BABAM1: variants seen among roughly 807,000 people sequenced by gnomAD.
BABAM1 encodes BRISC and BRCA1-A complex member 1.
BABAM1 carries 14 observed loss-of-function variants against 34.4 expected under a neutral mutation model. The observed-to-expected ratio is 0.41, with a 90% confidence interval of 0.27 to 0.64. BABAM1 has a LOEUF of 0.64. Ranked by LOEUF, BABAM1 falls within the 30% of genes least tolerant of loss-of-function variation. The pLI is 0.34. For missense variants in BABAM1, 393 were observed against 434.0 expected (o/e 0.91, Z 0.84); for synonymous variants, 169 against 165.8 (o/e 1.02, Z -0.15).
chr19:17,270,000 G>A (rs1337423694), intron 2 of BABAM1, among the ~76,000 whole-genome samples: 2 of 148,934 alleles, frequency 1.3e-5, no homozygotes, highest in East Asian at 4.0e-4. Flanking sequence ...GCGCTATCTC[G>A]GCTCACTGCA....
intron 5 of BABAM1, 78 bp from the exon 6 acceptor site, chr19:17,275,723 C>T: frequency 1.9e-6 from 3 of 1,590,324 alleles, no homozygotes; most frequent in South Asian, 2.2e-5. Context: ...CGGGTCTCCT[C>T]TGGTATCGGG....
At chr19:17,270,737 G>A (rs956841128) in intron 2 of BABAM1, among the ~76,000 whole-genome samples, 1 of 151,858 alleles carries the variant, frequency 6.6e-6, no homozygotes, top group Non-Finnish European at 1.5e-5. Flanking sequence ...GCCCAGGCTG[G>A]AGTGGAGTGG....
Position 17,269,081 on chromosome 19 carries a change from C to T in BABAM1, c.275C>T (p.Pro92Leu). Residue 92 changes from proline (P) to leucine (L), a missense_variant, in exon 2 of 9, where the codon CCA (proline) becomes CTA (leucine). Transcript: ENST00000598188. ...ATTCGGACACCAAGGGTCAACTGTC[C>T]AGAGAAAGTGGTAAGTAGAGGGGGT... ...VQIRTPRVNC[P>L]EKVIICLDLS... The T allele has an allele frequency of 2.5e-6, 4 of 1,605,176 alleles. No individual in the cohort carries two copies. The highest frequency in any genetic ancestry group is 3.4e-6 in the Non-Finnish European group (4 of 1,175,796).
At position 17,268,858 on chromosome 19, in the gene BABAM1, G is replaced by A; in HGVS notation, c.52G>A (p.Glu18Lys). 6.2e-7 allele frequency: 1 copy of A among 1,608,908 alleles called. No homozygotes were observed. Among genetic ancestry groups the A allele is most frequent in the Non-Finnish European group, 8.5e-7 (1 of 1,177,920 alleles). The change falls in exon 2 of 9, where the codon GAG (glutamate) becomes AAG (lysine). Residue 18 changes from glutamate to lysine, a missense_variant. Physicochemically the swap from Glu to Lys is moderately conservative, Grantham distance 56 (BLOSUM62 1). Coordinates refer to ENST00000598188, the MANE Select transcript of BABAM1 (RefSeq NM_014173.4). ...SPTEEEEEEE[E>K]HSAEPRPRTR... The stretch of plus-strand genomic sequence containing the variant: ...CACTGAAGAGGAGGAGGAGGAAGAG[G>A]AGCACTCGGCAGAGCCTCGGCCCCG...
intron 3 of BABAM1, among the ~76,000 whole-genome samples, chr19:17,272,445 G>A (rs943786822): frequency 6.6e-6 from 1 of 150,648 alleles, no homozygotes; most frequent in Non-Finnish European, 1.5e-5. Flanking sequence ...TCGCTCTGTC[G>A]CCCAATCTGG....
At chr19:17,272,695 C>A (rs903301346) in intron 3 of BABAM1, among the ~76,000 whole-genome samples, 2 of 151,666 alleles carry the variant, frequency 1.3e-5, no homozygotes, top group Non-Finnish European at 2.9e-5. Flanking sequence ...TGTGAGCCAC[C>A]GCGCCCAGCC....
At chr19:17,273,559 G>GTTTTTTTTT (rs1252906493) in intron 3 of BABAM1, among the ~76,000 whole-genome samples, 52 of 24,562 alleles carry the variant, frequency 2.1e-3, no homozygotes, top group Non-Finnish European at 3.4e-3. Flanking sequence ...TTTTTTGTTT[G>GTTTTTTTTT]TTTTGTTTTT....
chr19:17,268,840 G>C lies in BABAM1; in HGVS notation c.34G>C (p.Glu12Gln), dbSNP rs755774342. Residue 12 changes from glutamate to glutamine, a missense_variant, in exon 2 of 9, where the codon GAG (glutamate) becomes CAG (glutamine). Glu to Gln is a conservative substitution (Grantham distance 29). Transcript: ENST00000598188. ...GGCAGAGCCCAGCAGCCCCACTGAA[G>C]AGGAGGAGGAGGAAGAGGAGCACTC... ...EVAEPSSPTE[E>Q]EEEEEEHSAE... 1.2e-6 allele frequency: 2 copies of C among 1,607,800 alleles called. No homozygotes were observed. The highest frequency in any genetic ancestry group is 1.7e-6 in the Non-Finnish European group (2 of 1,176,996).
chr19:17,268,928 C>T lies in BABAM1; in HGVS notation c.122C>T (p.Ala41Val), dbSNP rs2073803847. 6.3e-7 allele frequency: 1 copy of T among 1,577,682 alleles called. No homozygotes were observed. Among genetic ancestry groups the T allele is most frequent in the South Asian group, 1.2e-5 (1 of 86,656 alleles). ...PEGAEDRAVG[A>V]QASVGSRSEG... The stretch of plus-strand genomic sequence containing the variant: ...GGGGCTGAGGACCGGGCAGTAGGGG[C>T]ACAGGCCAGCGTGGGCAGCCGCAGC... Residue 41 changes from alanine (A) to valine (V), a missense_variant, in exon 2 of 9, where the codon GCA becomes GTA. Coordinates refer to ENST00000598188, the MANE Select transcript of BABAM1 (RefSeq NM_014173.4).
rs1163465687 is a variant in BABAM1, at chr19:17,277,193, TTTC to T, written c.786+293_786+295del. 5.1e-5 allele frequency: 15 copies of T among 293,376 alleles called. No homozygotes were observed. The East Asian group carries it at 6.9e-4, about 13-fold the overall frequency. 18.2% of individuals were successfully genotyped at this position (293,376 alleles called of 1,614,324 possible). Reference sequence around the variant, plus strand: ...TTTCTTGCTTGCTTGCTTGCTTTTCTTTCTTCTTCTTTTTTTTTTTTTTTTTGA... The same window carrying T: ...TTTCTTGCTTGCTTGCTTGCTTTTCTTTCTTCTTTTTTTTTTTTTTTTTGA... On this transcript the variant is annotated intron_variant, in intron 8 of 8. Coordinates refer to ENST00000598188, the MANE Select transcript of BABAM1 (RefSeq NM_014173.4).
chr19:17,279,082 G>T lies in BABAM1; in HGVS notation c.*34G>T. 1 of 1,576,214 alleles carries T rather than the reference G, an allele frequency of 6.3e-7. No individual in the cohort carries two copies. The highest frequency in any genetic ancestry group is 2.3e-5 in the East Asian group (1 of 43,490). On this transcript the variant is annotated 3_prime_UTR_variant, in exon 9 of 9. Transcript: ENST00000598188. ...TGTACATCTGCACCTTCTTGTGCAA[G>T]GAAGTCCTTGGCCTAAAGCCTTGGT...
At position 17,276,580 on chromosome 19, in the gene BABAM1, C is replaced by T. The variant is rs375274426; in HGVS notation, c.655C>T (p.Arg219Cys). 264 of 1,606,610 alleles carry T rather than the reference C, an allele frequency of 1.6e-4. No individual in the cohort carries two copies. The highest frequency in any genetic ancestry group is 1.1e-3 in the South Asian group (98 of 89,280). ...YVVRTILVYS[R>C]PPCQPQFSLT... ...GGTCCGCACCATCCTTGTCTACAGC[C>T]GTCCACCTTGCCAGCCCCAGTTCTC... is the stretch of plus-strand genomic sequence containing the variant. Residue 219 changes from arginine (R) to cysteine (C), a missense_variant, in exon 7 of 9, where the codon CGT becomes TGT. Coordinates refer to ENST00000598188, the MANE Select transcript of BABAM1 (RefSeq NM_014173.4).
At chr19:17,270,013 C>G (rs1430188843) in intron 2 of BABAM1, among the ~76,000 whole-genome samples, 10 of 151,818 alleles carry the variant, frequency 6.6e-5, no homozygotes, top group Non-Finnish European at 1.5e-4. Context: ...TCACTGCAAG[C>G]TCTGCCTCCC....
chr19:17,274,849 G>A lies in BABAM1; in HGVS notation c.544+664G>A, dbSNP rs2145620913. On this transcript the variant is annotated intron_variant, in intron 5 of 8. Coordinates refer to ENST00000598188, the MANE Select transcript of BABAM1 (RefSeq NM_014173.4). Reference sequence around the variant, plus strand: ...TAAATGGTGAGAGTTTTTTCCAGGAGGACAAGACACCCCTGGCTCTTTTCA... The same window carrying A: ...TAAATGGTGAGAGTTTTTTCCAGGAAGACAAGACACCCCTGGCTCTTTTCA... Among the ~76,000 whole-genome samples, 3 of 109,522 alleles carry A rather than the reference G, an allele frequency of 2.7e-5. No individual in the cohort carries two copies. The South Asian group carries it at 8.1e-4, about 30-fold the overall frequency. The allele number at this position is 109,522 out of a possible 152,430, so 71.9% of individuals were successfully genotyped here. A position where few individuals can be genotyped will look rare whatever the true frequency, so the allele number is the denominator to read the frequency against.
chr19:17,273,720 G>A (rs554297645), intron 3 of BABAM1, among the ~76,000 whole-genome samples, 184 bp from the exon 4 acceptor site: 1 of 151,814 alleles, frequency 6.6e-6, no homozygotes, highest in East Asian at 1.9e-4. Flanking sequence ...TCGCCACCAC[G>A]CCTGGCTAAT....
rs748864038 is a variant in BABAM1, at chr19:17,273,857, C to T, written c.345-47C>T. 12 of 1,549,250 alleles carry T rather than the reference C, an allele frequency of 7.7e-6. No individual in the cohort carries two copies. In the African/African-American group the frequency reaches 1.2e-4, roughly 16 times the overall value. ...GAATTACAGGCGTGAGCCACTGTGCCCGGCCCTGAGGGAACCTTAATTCCC... is the reference window on the plus strand; with the variant it reads ...GAATTACAGGCGTGAGCCACTGTGCTCGGCCCTGAGGGAACCTTAATTCCC... On this transcript the variant is annotated intron_variant, in intron 3 of 8. Transcript: ENST00000598188.
chr19:17,269,163 T>C (rs1599488485), intron 2 of BABAM1, 72 bp downstream of exon 2: 1 of 1,445,296 alleles, frequency 6.9e-7, no homozygotes, highest in East Asian at 2.4e-5. Context: ...GGATTAACAC[T>C]GCAAACATTC....
intron 8 of BABAM1, among the ~76,000 whole-genome samples, chr19:17,277,745 G>A (rs763261417): frequency 6.6e-6 from 1 of 152,174 alleles, no homozygotes; most frequent in Non-Finnish European, 1.5e-5. Context: ...CAGGCGTGGT[G>A]GTGTACGCCT....
chr19:17,269,890 A>C (rs2073818382), intron 2 of BABAM1, among the ~76,000 whole-genome samples: 1 of 146,950 alleles, frequency 6.8e-6, no homozygotes. Flanking sequence ...TGCCCGGCTA[A>C]TTTTTTGTAT....
Sources: gnomAD v4.1 joint callset for allele counts (sites outside exome capture counted in the v4.1 genomes callset) on GRCh38, gnomAD v4.1.1 for gene constraint, MANE v1.5 for transcripts, NCBI Gene and HGNC (gene_info 2026-07-23, HGNC 2026-07-21) for gene names.